The following SCHIP1 variants were observed in gnomAD, a reference collection of about 807,000 sequenced individuals.
SCHIP1 encodes schwannomin-interacting protein 1.
SCHIP1 carries 8 observed loss-of-function variants against 29.7 expected under a neutral mutation model. The observed-to-expected ratio is 0.27, with a 90% CI of 0.16 to 0.49. The LOEUF is 0.49. Among genes scored for constraint, SCHIP1 ranks in the 20% least tolerant of loss-of-function variants. The probability of loss-of-function intolerance (pLI) is 0.99; values close to 1 mark genes in which losing one functional copy is unlikely to be tolerated. For synonymous variants in SCHIP1, 76 were observed against 94.9 expected (o/e 0.80, Z 1.16); for missense variants, 193 against 294.6 (o/e 0.66, Z 2.52).
the SCHIP1 span, among the ~76,000 whole-genome samples, chr3:159,383,077 A>G: frequency 6.7e-6 from 1 of 149,548 alleles, no homozygotes; most frequent in Non-Finnish European, 1.5e-5. Context: ...CTCTGACGGT[A>G]GCTTCTTTTG....
At chr3:159,545,617 C>T in the SCHIP1 span, among the ~76,000 whole-genome samples, 1 of 147,680 alleles carries the variant, frequency 6.8e-6, no homozygotes. Context: ...TATACATATA[C>T]ACAATATATA....
the SCHIP1 span, among the ~76,000 whole-genome samples, chr3:159,284,510 A>G: frequency 9.2e-5 from 14 of 151,914 alleles, no homozygotes; most frequent in Non-Finnish European, 1.8e-4. Context: ...TTTTTTTGAG[A>G]TGGAGTCTCA....
the SCHIP1 span, among the ~76,000 whole-genome samples, chr3:159,382,154 A>T: frequency 2.6e-5 from 4 of 151,498 alleles, no homozygotes; most frequent in Admixed American, 6.6e-5. Context: ...CATGTGCACA[A>T]TGTGCAGGTT....
chr3:159,312,502 T>C, the SCHIP1 span, among the ~76,000 whole-genome samples: 12 of 152,168 alleles, frequency 7.9e-5, no homozygotes, highest in African/African-American at 2.7e-4. Context: ...TCCTCCCACA[T>C]AGGTCCAAAA....
chr3:159,660,936 C>G, the SCHIP1 span, among the ~76,000 whole-genome samples: 1 of 152,156 alleles, frequency 6.6e-6, no homozygotes, highest in Non-Finnish European at 1.5e-5. Context: ...CACCCATCCA[C>G]CCACCTGTCC....
the SCHIP1 span, among the ~76,000 whole-genome samples, chr3:159,558,239 G>C: frequency 2.6e-5 from 4 of 152,186 alleles, no homozygotes; most frequent in Admixed American, 6.5e-5. Context: ...AGAAAAACGG[G>C]AAGTATGCAT....
the SCHIP1 span, among the ~76,000 whole-genome samples, chr3:159,491,480 C>T: frequency 4.6e-5 from 7 of 152,346 alleles, no homozygotes; most frequent in Non-Finnish European, 1.0e-4. Context: ...CTTGGAGGGT[C>T]CTAGGCCCAC....
At chr3:159,316,256 GCTGT>G in the SCHIP1 span, among the ~76,000 whole-genome samples, 1 of 152,062 alleles carries the variant, frequency 6.6e-6, no homozygotes, top group Non-Finnish European at 1.5e-5. Flanking sequence ...TCCACCATAG[GCTGT>G]CTGCAAGCTG....
the SCHIP1 span, among the ~76,000 whole-genome samples, chr3:159,682,452 A>T: frequency 1.2e-3 from 189 of 152,324 alleles, no homozygotes; most frequent in African/African-American, 4.5e-3. Context: ...GCCTATTTAC[A>T]TATTGGGTAC....
At chr3:159,386,956 C>T in the SCHIP1 span, 1 of 154,878 alleles carries the variant, frequency 6.5e-6, no homozygotes, top group African/African-American at 2.4e-5. Flanking sequence ...CAGCCCTGAT[C>T]AAGGTGTAGC....
At chr3:159,468,903 A>T in the SCHIP1 span, among the ~76,000 whole-genome samples, 3 of 151,424 alleles carry the variant, frequency 2.0e-5, no homozygotes, top group South Asian at 6.2e-4. Context: ...AGTAGCTGGG[A>T]CTACAGGAGC....
At chr3:159,611,337 T>C in the SCHIP1 span, among the ~76,000 whole-genome samples, 4 of 152,072 alleles carry the variant, frequency 2.6e-5, no homozygotes, top group Non-Finnish European at 5.9e-5. Context: ...GCTCTTGCAA[T>C]ACTATGCAGC....
the SCHIP1 span, among the ~76,000 whole-genome samples, chr3:159,608,648 A>G: frequency 1.3e-5 from 2 of 152,228 alleles, no homozygotes; most frequent in Non-Finnish European, 2.9e-5. Flanking sequence ...GCACTGGGAT[A>G]TAATGGAAGT....
the SCHIP1 span, among the ~76,000 whole-genome samples, chr3:159,348,811 A>T: frequency 2.6e-5 from 4 of 152,202 alleles, no homozygotes; most frequent in African/African-American, 2.4e-5. Flanking sequence ...ATGCAATTGC[A>T]AGGAAATTAC....
At chr3:159,854,473 A>G (rs112522029) in intron 1 of SCHIP1, among the ~76,000 whole-genome samples, 15 of 152,292 alleles carry the variant, frequency 9.8e-5, no homozygotes, top group African/African-American at 3.6e-4. Context: ...ACAAGCTGAA[A>G]CTTAAATATG....
chr3:159,679,679 C>G, the SCHIP1 span, among the ~76,000 whole-genome samples: 2 of 152,124 alleles, frequency 1.3e-5, no homozygotes, highest in Non-Finnish European at 2.9e-5. Flanking sequence ...CTGTCAGTTT[C>G]CCAGGAGCAC....
chr3:159,510,260 C>T, the SCHIP1 span, among the ~76,000 whole-genome samples: 4 of 152,266 alleles, frequency 2.6e-5, no homozygotes, highest in South Asian at 2.1e-4. Flanking sequence ...TTGATTGAAT[C>T]GGCTACTGAA....
At chr3:159,889,886 G>A (rs1717322069) in intron 5 of SCHIP1, among the ~76,000 whole-genome samples, 1 of 152,138 alleles carries the variant, frequency 6.6e-6, no homozygotes, top group Admixed American at 6.5e-5. Flanking sequence ...CACGAGGTCA[G>A]GAGATCGAGA....
chr3:159,384,343 CT>C, the SCHIP1 span, among the ~76,000 whole-genome samples: 22 of 152,058 alleles, frequency 1.4e-4, no homozygotes, highest in African/African-American at 5.3e-4. Context: ...TGTCAAAGGC[CT>C]TTTCTGCATC....
Sources: gnomAD v4.1 joint callset for allele counts (sites outside exome capture counted in the v4.1 genomes callset) on GRCh38, gnomAD v4.1.1 for gene constraint, MANE v1.5 for transcripts, NCBI Gene and HGNC (gene_info 2026-07-23, HGNC 2026-07-21) for gene names.